Variants in PCNX2 observed in about 807,000 individuals in gnomAD.
The protein encoded by PCNX2 is pecanex-like protein 2.
PCNX2 carries 168 observed loss-of-function variants against 223.8 expected under a neutral mutation model. The ratio of observed to expected loss-of-function variants is 0.75; its 90% CI spans 0.66 to 0.85. The LOEUF (loss-of-function observed/expected upper bound fraction) is 0.85. Among genes scored for constraint, PCNX2 ranks in the 40% least tolerant of loss-of-function variants. The pLI is 0.00. For synonymous variants in PCNX2, 1,006 were observed against 1,052.6 expected (o/e 0.96, Z 0.86); for missense variants, 2,507 against 2,675.5 (o/e 0.94, Z 1.39).
At position 233,214,956 on chromosome 1, in the gene PCNX2, C is replaced by T. The variant is rs187818981; in HGVS notation, c.2691+2943G>A. The stretch of plus-strand genomic sequence containing the variant: ...ACTTGCTCAAAATATGCCACCTGTG[C>T]TCTTAGAAGCACGCAAAAAAGAAAG... On this transcript the variant is annotated intron_variant, in intron 12 of 33. Transcript: ENST00000258229. Among the ~76,000 whole-genome samples, 54 of 152,292 alleles carry T rather than the reference C, an allele frequency of 3.5e-4. 1 individual carries two copies. The East Asian group carries it at 7.5e-3, about 21-fold the overall frequency.
intron 3 of PCNX2, 92 bp downstream of exon 3, chr1:233,261,943 CAGCATGCAAG>C: frequency 6.6e-7 from 1 of 1,516,370 alleles, no homozygotes; most frequent in Non-Finnish European, 9.1e-7. Context: ...CCAGTGATTA[CAGCATGCAAG>C]CTACAATCAC....
chr1:233,184,233 C>G (rs552743929), intron 15 of PCNX2, among the ~76,000 whole-genome samples: 1 of 151,986 alleles, frequency 6.6e-6, no homozygotes, highest in South Asian at 2.1e-4. Context: ...TGACATGGAT[C>G]AGAGAAAAGG....
chr1:232,985,057 C>A (rs1022013088), intron 33 of PCNX2: 1 of 152,236 alleles, frequency 6.6e-6, no homozygotes, highest in African/African-American at 2.4e-5. Context: ...TTTTAGTTAT[C>A]TAACTAAGGT....
At chr1:233,255,456 T>C (rs1310780556) in intron 5 of PCNX2, among the ~76,000 whole-genome samples, 2 of 152,230 alleles carry the variant, frequency 1.3e-5, no homozygotes, top group Non-Finnish European at 2.9e-5. Context: ...GCTGACTCCC[T>C]TGCTATAAGC....
the PCNX2 span, among the ~76,000 whole-genome samples, chr1:233,311,529 T>C: frequency 0.4 from 61,348 of 152,102 alleles, 12,548 homozygotes; most frequent in Middle Eastern, 0.46. Context: ...ACACCAAAGC[T>C]TTGAATAACT....
chr1:233,308,830 AT>A, the PCNX2 span, among the ~76,000 whole-genome samples: 1 of 152,168 alleles, frequency 6.6e-6, no homozygotes, highest in South Asian at 2.1e-4. Context: ...AGTGAAAGAT[AT>A]TTTTTAAAGT....
At chr1:233,134,132 GA>G (rs1676669759) in intron 21 of PCNX2, among the ~76,000 whole-genome samples, 1 of 152,148 alleles carries the variant, frequency 6.6e-6, no homozygotes, top group African/African-American at 2.4e-5. Flanking sequence ...AGGTGTTGCT[GA>G]AGTCAGTCTC....
chr1:233,292,105 G>T, intron 1 of PCNX2: 19 of 881,442 alleles, frequency 2.2e-5, no homozygotes, highest in Non-Finnish European at 2.4e-5. Flanking sequence ...AAATAAATTT[G>T]CCTCAATAAT....
At chr1:233,144,416 G>A (rs1050595652) in intron 19 of PCNX2, among the ~76,000 whole-genome samples, 2 of 152,038 alleles carry the variant, frequency 1.3e-5, no homozygotes, top group African/African-American at 4.8e-5. Context: ...GAATTCATAG[G>A]TTATCAGGTG....
chr1:233,007,268 T>C (rs1670317108), intron 28 of PCNX2, among the ~76,000 whole-genome samples: 1 of 151,742 alleles, frequency 6.6e-6, no homozygotes, highest in Non-Finnish European at 1.5e-5. Flanking sequence ...TCCATTTGTA[T>C]GGTGACTTGT....
At chr1:233,114,172 G>A (rs75181634) in intron 21 of PCNX2, among the ~76,000 whole-genome samples, 2,549 of 152,330 alleles carry the variant, frequency 0.017, 29 homozygotes, top group East Asian at 0.044. Flanking sequence ...GAAACCTGGG[G>A]TGAACGGTGA....
At chr1:233,252,821 A>G in intron 5 of PCNX2, 33 bp from the exon 6 acceptor site, 1 of 1,523,572 alleles carries the variant, frequency 6.6e-7, no homozygotes, top group Non-Finnish European at 8.8e-7. Context: ...TTAATTTAAT[A>G]TAAAATAAAT....
At chr1:233,306,255 G>A in the PCNX2 span, among the ~76,000 whole-genome samples, 1 of 152,146 alleles carries the variant, frequency 6.6e-6, no homozygotes, top group African/African-American at 2.4e-5. Flanking sequence ...ACCTCAAAAC[G>A]TAAATAACAA....
chr1:233,155,977 C>G (rs1678097701), intron 19 of PCNX2, among the ~76,000 whole-genome samples: 1 of 152,092 alleles, frequency 6.6e-6, no homozygotes, highest in South Asian at 2.1e-4. Flanking sequence ...GGAAATATGG[C>G]AATTTTTTAA....
Position 233,025,200 on chromosome 1 carries a change from G to C in PCNX2, c.4551C>G (p.Ala1517=), listed in dbSNP as rs561562230. Residue 1517 remains alanine, a synonymous_variant, in exon 26 of 34, where the codon GCC becomes GCG. Transcript: ENST00000258229. ...GGAGGTCAAACACCTGCAGCATGGT[G>C]GCCGCGTTGTTGTCCAGGATGCTGT... ...EGYSILDNNA[A]TMLQVFDLRR... The C allele has an allele frequency of 6.2e-7, 1 of 1,614,046 alleles. No individual in the cohort carries two copies. The highest frequency in any genetic ancestry group is 1.3e-5 in the African/African-American group (1 of 75,064).
At chr1:233,218,994 G>A (rs939190915) in intron 10 of PCNX2, among the ~76,000 whole-genome samples, 3 of 152,218 alleles carry the variant, frequency 2.0e-5, no homozygotes, top group African/African-American at 7.2e-5. Flanking sequence ...AGGGTGAGCT[G>A]CAACTTCCTG....
chr1:233,161,384 G>T, intron 17 of PCNX2, 21 bp from the exon 18 acceptor site: 2 of 1,601,292 alleles, frequency 1.2e-6, no homozygotes, highest in Non-Finnish European at 1.7e-6. Context: ...AAAACCAGCG[G>T]TAAAGGCGAC....
At chr1:232,996,762 A>T (rs1046724698) in intron 32 of PCNX2, among the ~76,000 whole-genome samples, 1 of 152,164 alleles carries the variant, frequency 6.6e-6, no homozygotes, top group African/African-American at 2.4e-5. Flanking sequence ...CTTGCAGAGA[A>T]ATTCCTTGTG....
At chr1:233,313,476 G>A in the PCNX2 span, among the ~76,000 whole-genome samples, 1 of 152,078 alleles carries the variant, frequency 6.6e-6, no homozygotes, top group Non-Finnish European at 1.5e-5. Flanking sequence ...AAATGGGAAA[G>A]ACTATTTGTA....
Sources: allele counts gnomAD v4.1 joint callset (sites outside exome capture counted in the v4.1 genomes callset), GRCh38; gene constraint gnomAD v4.1.1; transcripts MANE v1.5; gene names NCBI Gene and HGNC (gene_info 2026-07-23, HGNC 2026-07-21).